The following KDM5A variants were observed in gnomAD, a reference collection of about 807,000 sequenced individuals.
KDM5A encodes the protein lysine demethylase 5A, also known as lysine-specific demethylase 5A.
KDM5A carries 42 observed loss-of-function variants against 193.5 expected under a neutral mutation model. The ratio of observed to expected loss-of-function variants is 0.22; its 90% CI spans 0.17 to 0.28. KDM5A has a LOEUF of 0.28. Ranked by LOEUF, KDM5A falls within the 10% of genes least tolerant of loss-of-function variation. KDM5A has a pLI of 1.00. For missense variants in KDM5A, 1,692 were observed against 2,055.1 expected (o/e 0.82, Z 3.42); for synonymous variants, 796 against 718.1 (o/e 1.11, Z -1.73).
intron 8 of KDM5A, 45 bp from the exon 9 acceptor site, chr12:352,369 G>GAAGA: frequency 6.3e-7 from 1 of 1,576,510 alleles, no homozygotes; most frequent in Non-Finnish European, 8.7e-7. Context: ...AAACTAAACT[G>GAAGA]AAGAAAGCTT....
intron 10 of KDM5A, among the ~76,000 whole-genome samples, chr12:337,379 T>C (rs116741284): frequency 0.017 from 2,617 of 152,196 alleles, 75 homozygotes; most frequent in African/African-American, 0.059. Context: ...CTTTGAAGGA[T>C]AGATAAGATT....
chr12:365,854 T>G (rs1944350219), intron 4 of KDM5A, 80 bp downstream of exon 4: 1 of 1,456,150 alleles, frequency 6.9e-7, no homozygotes, highest in South Asian at 1.1e-5. Flanking sequence ...GCCTGCTAAC[T>G]TGGGTTAAAC....
Position 354,121 on chromosome 12 carries a change from AG to A in KDM5A, c.983del (p.Pro328LeufsTer62). On this transcript the variant is annotated frameshift_variant, in exon 8 of 28. Coordinates refer to ENST00000399788, the MANE Select transcript of KDM5A (RefSeq NM_001042603.3). LOFTEE classifies it high-confidence loss of function. ...YHTFCLIPPL[P>X]DVPKGDWRCP... ...ACCTCCAGTCTCCTTTGGGCACATC[AG>A]GTAGTGGAGGAATTAGACAAAATGT... 6.2e-7 allele frequency: 1 copy of A among 1,613,722 alleles called. No homozygotes were observed. Among genetic ancestry groups the A allele is most frequent in the Non-Finnish European group, 8.5e-7 (1 of 1,179,634 alleles).
rs763405651 is a variant in KDM5A, at chr12:311,073, C to T, written c.3037-9G>A. 1.9e-6 allele frequency: 3 copies of T among 1,614,098 alleles called. No individual in the cohort carries two copies. Among genetic ancestry groups the T allele is most frequent in the Non-Finnish European group, 2.5e-6 (3 of 1,179,980 alleles). On this transcript the variant is annotated splice_polypyrimidine_tract_variant and intron_variant, in intron 20 of 27. Coordinates refer to ENST00000399788, the MANE Select transcript of KDM5A (RefSeq NM_001042603.3). ...GCGTAATTGCTGCCACTCTGAAAAA[C>T]CAAAGTAGATTCTCACAATTTGAGT... is the stretch of plus-strand genomic sequence containing the variant.
Position 355,232 on chromosome 12 carries a change from G to T in KDM5A, c.796C>A (p.Arg266=), listed in dbSNP as rs1471475032. ...GCGTCTGACCTGTTGGTAACTTTTCGTCTTCGGGTGACCTCATCTTGAAAT... is the reference window on the plus strand; with the variant it reads ...GCGTCTGACCTGTTGGTAACTTTTCTTCTTCGGGTGACCTCATCTTGAAAT... ...KDKEDEVTRR[R]KVTNRSDAFN... is the part of the protein sequence containing the mutation. Residue 266 remains arginine, a synonymous_variant, in exon 7 of 28, where the codon CGA becomes AGA. Coordinates refer to ENST00000399788, the MANE Select transcript of KDM5A (RefSeq NM_001042603.3). The T allele has an allele frequency of 3.1e-6, 5 of 1,608,172 alleles. No homozygotes were observed. In the Admixed American group the frequency reaches 8.3e-5, roughly 27 times the overall value.
intron 5 of KDM5A, among the ~76,000 whole-genome samples, chr12:357,592 G>A (rs1308182688): frequency 1.3e-5 from 2 of 151,874 alleles, no homozygotes; most frequent in Non-Finnish European, 2.9e-5. Context: ...CACTTTGGGA[G>A]GCCGAGGCGG....
intron 24 of KDM5A, among the ~76,000 whole-genome samples, chr12:306,474 G>A (rs934023256): frequency 6.6e-6 from 1 of 152,036 alleles, no homozygotes; most frequent in African/African-American, 2.4e-5. Flanking sequence ...CTGGCGTGGT[G>A]GCTCAGGCCT....
intron 3 of KDM5A, among the ~76,000 whole-genome samples, chr12:375,169 G>A (rs566608254): frequency 6.6e-6 from 1 of 152,328 alleles, no homozygotes; most frequent in African/African-American, 2.4e-5. Flanking sequence ...CCTGCAGAGT[G>A]TTTTCCAGCT....
chr12:335,745 A>T (rs1440147247), intron 10 of KDM5A, among the ~76,000 whole-genome samples: 1 of 152,166 alleles, frequency 6.6e-6, no homozygotes, highest in African/African-American at 2.4e-5. Context: ...TGTAATTAAG[A>T]GTCACAGAGA....
intron 13 of KDM5A, among the ~76,000 whole-genome samples, chr12:330,129 C>T (rs1943847766): frequency 6.9e-6 from 1 of 145,110 alleles, no homozygotes. Context: ...TGTCTATTAA[C>T]AACACACAAC....
chr12:328,839 T>C lies in KDM5A; in HGVS notation c.1964A>G (p.Gln655Arg). ...EETRLRESVV[Q>R]MGVLMSEEEV... is the part of the protein sequence containing the mutation. ...AAATGTGCTCAGCAAACTCACCATC[T>C]GTACAACAGACTCTCTTAATCGTGT... The change falls in exon 14 of 28, where the codon CAG becomes CGG. Residue 655 changes from glutamine (Q) to arginine (R), a missense_variant. Coordinates refer to ENST00000399788, the MANE Select transcript of KDM5A (RefSeq NM_001042603.3). 6.2e-7 allele frequency: 1 copy of C among 1,613,762 alleles called. No individual in the cohort carries two copies. The highest frequency in any genetic ancestry group is 8.5e-7 in the Non-Finnish European group (1 of 1,179,992).
chr12:305,121 C>T (rs4980813), intron 24 of KDM5A, among the ~76,000 whole-genome samples: 34,226 of 152,038 alleles, frequency 0.23, 3,981 homozygotes, highest in South Asian at 0.3. Flanking sequence ...TAGCAGTACA[C>T]TAAGATGATA....
At chr12:304,127 C>G (rs1246362977) in intron 24 of KDM5A, among the ~76,000 whole-genome samples, 1 of 152,164 alleles carries the variant, frequency 6.6e-6, no homozygotes, top group South Asian at 2.1e-4. Context: ...TACATAGACA[C>G]AATCCCAAAA....
intron 17 of KDM5A, 61 bp from the exon 18 acceptor site, chr12:321,170 G>C: frequency 1.7e-6 from 2 of 1,167,652 alleles, no homozygotes; most frequent in Non-Finnish European, 2.6e-6. Flanking sequence ...ATATCAAAAG[G>C]GCTCCTAGTC....
chr12:379,996 C>A (rs147414909), intron 3 of KDM5A, among the ~76,000 whole-genome samples: 97 of 152,290 alleles, frequency 6.4e-4, no homozygotes, highest in African/African-American at 2.2e-3. Flanking sequence ...CAGCCGGGCA[C>A]GGTGGCTTGC....
chr12:298,309 C>G (rs1160489611), intron 24 of KDM5A, among the ~76,000 whole-genome samples: 1 of 152,232 alleles, frequency 6.6e-6, no homozygotes, highest in Admixed American at 6.5e-5. Context: ...TGGCTGGCAT[C>G]TGGCCAGTGC....
intron 24 of KDM5A, among the ~76,000 whole-genome samples, chr12:301,504 A>G (rs948201342): frequency 2.0e-5 from 3 of 152,230 alleles, no homozygotes; most frequent in Non-Finnish European, 4.4e-5. Flanking sequence ...AAAACTCTCA[A>G]TAAACTAGGT....
intron 24 of KDM5A, among the ~76,000 whole-genome samples, chr12:301,028 A>G (rs1358060400): frequency 6.6e-6 from 1 of 152,232 alleles, no homozygotes; most frequent in African/African-American, 2.4e-5. Context: ...AAACTGAGGC[A>G]GTAATTAATA....
chr12:288,565 AT>A (rs1262396137), intron 27 of KDM5A, among the ~76,000 whole-genome samples: 6 of 152,166 alleles, frequency 3.9e-5, no homozygotes, highest in Non-Finnish European at 8.8e-5. Flanking sequence ...TATTTTGTTC[AT>A]TTCTTAGAGA....
Sources: gnomAD v4.1 joint callset for allele counts (sites outside exome capture counted in the v4.1 genomes callset) on GRCh38, gnomAD v4.1.1 for gene constraint, MANE v1.5 for transcripts, NCBI Gene and HGNC (gene_info 2026-07-23, HGNC 2026-07-21) for gene names.